ADIPOR2: variants seen among roughly 807,000 people sequenced by gnomAD.
The protein encoded by ADIPOR2 is adiponectin receptor protein 2.
A neutral mutation model predicts 40.9 loss-of-function variants in ADIPOR2; 18 were observed. The ratio of observed to expected loss-of-function variants is 0.44; its 90% CI spans 0.30 to 0.65. ADIPOR2 has a LOEUF of 0.65. ADIPOR2 is among the 30% of genes least tolerant of loss of function. The pLI is 0.09. For synonymous variants in ADIPOR2, 165 were observed against 166.4 expected, an observed-to-expected ratio of 0.99 and a Z score of 0.06; for missense variants, 283 against 479.2, an observed-to-expected ratio of 0.59 and a Z score of 3.82.
At chr12:1,738,704 A>G (rs2068491) in intron 1 of ADIPOR2, among the ~76,000 whole-genome samples, 73,039 of 151,988 alleles carry the variant, frequency 0.48, 17,968 homozygotes, top group Non-Finnish European at 0.55. Flanking sequence ...ACTCAAAACT[A>G]TCTTGTCAGC....
chr12:1,731,552 C>T (rs979622176), intron 1 of ADIPOR2, among the ~76,000 whole-genome samples: 1 of 152,200 alleles, frequency 6.6e-6, no homozygotes, highest in Non-Finnish European at 1.5e-5. Context: ...ATTACACTTT[C>T]TGACGCTATC....
At chr12:1,742,098 C>T (rs978865212) in intron 1 of ADIPOR2, among the ~76,000 whole-genome samples, 2 of 151,684 alleles carry the variant, frequency 1.3e-5, no homozygotes, top group Non-Finnish European at 2.9e-5. Flanking sequence ...TGTCACTTTT[C>T]TCTCTCTCTT....
chr12:1,786,207 T>G lies in ADIPOR2; in HGVS notation c.*135T>G, dbSNP rs758169. 1,189,560 of 1,196,486 alleles carry G rather than the reference T, an allele frequency of 0.99. 591,597 individuals carry two copies. Among genetic ancestry groups the G allele is most frequent in the East Asian group, 1 (40,738 of 40,740 alleles). 74.1% of individuals were successfully genotyped at this position (1,196,486 alleles called of 1,614,324 possible). A position where few individuals can be genotyped will look rare whatever the true frequency, so the allele number is the denominator to read the frequency against. Reference sequence around the variant, plus strand: ...CCTCGTGGGCTTTGTGACGGCCCAGTGGCTCTGCGTGGTACATGACTGAGA... The same window carrying G: ...CCTCGTGGGCTTTGTGACGGCCCAGGGGCTCTGCGTGGTACATGACTGAGA... On this transcript the variant is annotated 3_prime_UTR_variant, in exon 8 of 8. Transcript: ENST00000357103.
chr12:1,736,380 G>A (rs1383444320), intron 1 of ADIPOR2, among the ~76,000 whole-genome samples: 3 of 152,180 alleles, frequency 2.0e-5, no homozygotes, highest in Non-Finnish European at 2.9e-5. Context: ...ATTTATTTGC[G>A]TAGAGGTGTT....
intron 1 of ADIPOR2, among the ~76,000 whole-genome samples, chr12:1,709,661 T>C (rs532706548): frequency 1.5e-4 from 23 of 152,314 alleles, no homozygotes; most frequent in African/African-American, 4.8e-4. Flanking sequence ...TGGAGACATG[T>C]AGAGATCATT....
intron 1 of ADIPOR2, among the ~76,000 whole-genome samples, chr12:1,741,645 T>TATA (rs2094743069): frequency 6.6e-6 from 1 of 152,212 alleles, no homozygotes; most frequent in Admixed American, 6.5e-5. Flanking sequence ...ATGTTCAACT[T>TATA]ACAGGCTTAT....
chr12:1,746,466 C>T (rs759763477), intron 1 of ADIPOR2, among the ~76,000 whole-genome samples: 5 of 151,590 alleles, frequency 3.3e-5, no homozygotes, highest in Non-Finnish European at 7.4e-5. Context: ...CCACCCTGGG[C>T]GACAGAACAA....
intron 1 of ADIPOR2, among the ~76,000 whole-genome samples, chr12:1,733,862 G>GT (rs1326485292): frequency 2.0e-5 from 3 of 150,516 alleles, no homozygotes; most frequent in African/African-American, 4.9e-5. Flanking sequence ...GTGGTGTTTG[G>GT]TTTTTTGTCC....
chr12:1,738,201 T>C, intron 1 of ADIPOR2, among the ~76,000 whole-genome samples: 1 of 123,066 alleles, frequency 8.1e-6, no homozygotes, highest in African/African-American at 2.9e-5. Flanking sequence ...GAAGAAACCC[T>C]GTCTCTACAA....
chr12:1,702,236 A>G (rs2094651844), intron 1 of ADIPOR2, among the ~76,000 whole-genome samples: 1 of 152,218 alleles, frequency 6.6e-6, no homozygotes, highest in Non-Finnish European at 1.5e-5. Flanking sequence ...TAAGGATAAA[A>G]TGTTTTGTGA....
At chr12:1,720,420 A>G (rs890840605) in intron 1 of ADIPOR2, among the ~76,000 whole-genome samples, 1 of 152,150 alleles carries the variant, frequency 6.6e-6, no homozygotes, top group Non-Finnish European at 1.5e-5. Context: ...TTATTACTAC[A>G]TTGTAATATA....
chr12:1,715,194 A>G (rs1196649227), intron 1 of ADIPOR2, among the ~76,000 whole-genome samples: 5 of 152,092 alleles, frequency 3.3e-5, no homozygotes, highest in Non-Finnish European at 7.3e-5. Flanking sequence ...ATAGTTGTGG[A>G]TTATCCTTCA....
intron 1 of ADIPOR2, among the ~76,000 whole-genome samples, chr12:1,693,728 G>A (rs932479933): frequency 1.3e-5 from 2 of 151,798 alleles, no homozygotes; most frequent in East Asian, 1.9e-4. Flanking sequence ...TAGTAGAGAC[G>A]GGGTTTCACC....
At chr12:1,779,790 C>T (rs1474386744) in intron 4 of ADIPOR2, among the ~76,000 whole-genome samples, 1 of 152,182 alleles carries the variant, frequency 6.6e-6, no homozygotes. Context: ...AAAACAATTA[C>T]TTAGCAAACG....
chr12:1,694,359 T>G (rs1002739293), intron 1 of ADIPOR2, among the ~76,000 whole-genome samples: 1 of 152,244 alleles, frequency 6.6e-6, no homozygotes, highest in Admixed American at 6.5e-5. Flanking sequence ...TTCTAGGACC[T>G]TTGGTGAATA....
At chr12:1,757,640 T>C in intron 2 of ADIPOR2, 3 of 1,296,304 alleles carry the variant, frequency 2.3e-6, no homozygotes, top group African/African-American at 2.9e-5. Context: ...CCCCCAGAGA[T>C]TTTTCTCACT....
chr12:1,749,840 T>TG (rs1351860703), intron 1 of ADIPOR2, among the ~76,000 whole-genome samples: 1 of 150,002 alleles, frequency 6.7e-6, no homozygotes, highest in Non-Finnish European at 1.5e-5. Context: ...TAGTTTTTTT[T>TG]TTTTTTTTTT....
chr12:1,752,635 C>T (rs1862021444), intron 1 of ADIPOR2, among the ~76,000 whole-genome samples: 1 of 152,048 alleles, frequency 6.6e-6, no homozygotes, highest in African/African-American at 2.4e-5. Context: ...TCCTAATGAC[C>T]TTGAATAAGT....
Position 1,777,883 on chromosome 12 carries a change from T to C in ADIPOR2, c.321T>C (p.Pro107=). The change falls in exon 4 of 8, where the codon CCT becomes CCC. Residue 107 remains proline (P), a synonymous_variant. Coordinates refer to ENST00000357103, the MANE Select transcript of ADIPOR2 (RefSeq NM_024551.3). ...GGGAAGGTCGGTGGCGAGTGATCCC[T>C]CATGATGTACTACCAGACTGGCTCA... ...KVWEGRWRVI[P]HDVLPDWLKD... 1 of 1,613,872 alleles carries C rather than the reference T, an allele frequency of 6.2e-7. No individual in the cohort carries two copies. Among genetic ancestry groups the C allele is most frequent in the Admixed American group, 1.7e-5 (1 of 59,952 alleles).
Sources: gnomAD v4.1 joint callset for allele counts (sites outside exome capture counted in the v4.1 genomes callset) on GRCh38, gnomAD v4.1.1 for gene constraint, MANE v1.5 for transcripts, NCBI Gene and HGNC (gene_info 2026-07-23, HGNC 2026-07-21) for gene names.